Variants in RARB observed in about 807,000 individuals in gnomAD.
RARB encodes the protein HBV-activated protein.
RARB carries 17 observed loss-of-function variants against 51.9 expected under a neutral mutation model. The ratio of observed to expected loss-of-function variants is 0.33; its 90% confidence interval spans 0.22 to 0.49. The LOEUF (loss-of-function observed/expected upper bound fraction) is 0.49. RARB is among the 20% of genes least tolerant of loss of function. The pLI is 0.99. For missense variants in RARB, 369 were observed against 550.8 expected, an observed-to-expected ratio of 0.67 and a Z score of 3.30; for synonymous variants, 215 against 195.4, an observed-to-expected ratio of 1.10 and a Z score of -0.84.
intron 5 of RARB, among the ~76,000 whole-genome samples, chr3:25,291,641 G>A (rs1406653505): frequency 6.6e-6 from 1 of 152,014 alleles, no homozygotes; most frequent in African/African-American, 2.4e-5. Context: ...ATAAATCAAG[G>A]AAATGGCCCC....
rs185105854 is a variant in RARB, at chr3:25,458,207, A to G, written c.158-2986A>G. On this transcript the variant is annotated intron_variant, in intron 1 of 7. Transcript: ENST00000330688. ...ATTAGCTACAAAGTTGTTCATCACA[A>G]TGGAATGTTTTCTGTGAAAAATATT... is the stretch of plus-strand genomic sequence containing the variant. 8.5e-5 allele frequency: 13 copies of G among 152,350 alleles called. No homozygotes were observed. The East Asian group carries it at 2.1e-3, about 25-fold the overall frequency. 9.4% of individuals were successfully genotyped at this position (152,350 alleles called of 1,614,324 possible).
chr3:25,494,253 G>GCACACACACACACACACACACACACA (rs57081618), intron 2 of RARB, among the ~76,000 whole-genome samples: 3 of 131,852 alleles, frequency 2.3e-5, no homozygotes, highest in Non-Finnish European at 3.5e-5. Context: ...TGTATCTTAC[G>GCACACACACACACACACACACACACA]CACACACACA....
rs147167336 is a variant in RARB at position 25,104,288 on chromosome 3, G to A, written c.-327-27873G>A. Among the ~76,000 whole-genome samples, 714 of 152,182 alleles carry A rather than the reference G, an allele frequency of 4.7e-3. 4 individuals carry two copies. The highest frequency in any genetic ancestry group is 0.017 in the African/African-American group (690 of 41,508). On this transcript the variant is annotated intron_variant, in intron 3 of 11. Coordinates refer to the RARB transcript ENST00000383772. ...TACATTGTTGATGGGAATATAACTTGGTAAAACCACTTTGGAAATCTCTCA... is the reference window on the plus strand; with the variant it reads ...TACATTGTTGATGGGAATATAACTTAGTAAAACCACTTTGGAAATCTCTCA...
At chr3:25,337,454 A>G (rs1705096590) in intron 5 of RARB, among the ~76,000 whole-genome samples, 1 of 152,216 alleles carries the variant, frequency 6.6e-6, no homozygotes, top group Non-Finnish European at 1.5e-5. Context: ...CTTTACCAAT[A>G]GCTACATTTA....
chr3:25,102,178 T>A (rs140320069), intron 3 of RARB, among the ~76,000 whole-genome samples: 1 of 152,284 alleles, frequency 6.6e-6, no homozygotes, highest in African/African-American at 2.4e-5. Context: ...AATGCGTGAA[T>A]GTCCCCACAA....
chr3:25,124,908 A>G (rs1157140290), intron 3 of RARB, among the ~76,000 whole-genome samples: 9 of 152,298 alleles, frequency 5.9e-5, no homozygotes, highest in Non-Finnish European at 1.2e-4. Flanking sequence ...TCTTTTTCAA[A>G]ACATGTAATT....
chr3:25,340,553 C>T (rs139426471), intron 5 of RARB, among the ~76,000 whole-genome samples: 2,158 of 152,280 alleles, frequency 0.014, 33 homozygotes, highest in Non-Finnish European at 0.022. Flanking sequence ...TAATGTGTGG[C>T]TCTGACCAAA....
intron 2 of RARB, among the ~76,000 whole-genome samples, chr3:25,056,142 C>T (rs1361649418): frequency 6.6e-6 from 1 of 152,102 alleles, no homozygotes; most frequent in Non-Finnish European, 1.5e-5. Flanking sequence ...CTATTTCCTG[C>T]TGGTAACAGG....
chr3:24,857,771 C>CA (rs1702662228), intron 1 of RARB, among the ~76,000 whole-genome samples: 2 of 152,124 alleles, frequency 1.3e-5, no homozygotes, highest in South Asian at 4.1e-4. Flanking sequence ...CAAAACAAAA[C>CA]AAAAAATAGC....
At chr3:25,086,811 G>T (rs949920060) in intron 3 of RARB, among the ~76,000 whole-genome samples, 1 of 152,074 alleles carries the variant, frequency 6.6e-6, no homozygotes, top group African/African-American at 2.4e-5. Flanking sequence ...GAGTATCTGG[G>T]TTAAGATAAG....
intron 3 of RARB, among the ~76,000 whole-genome samples, chr3:25,098,379 A>G (rs992108557): frequency 6.6e-6 from 1 of 152,174 alleles, no homozygotes; most frequent in African/African-American, 2.4e-5. Context: ...TGAGATCTCT[A>G]TCGTGCTGTA....
In RARB at chr3:25,421,403, C is replaced by CTTTTTTTTTTTTTTTTTT. The variant is rs766378555; in HGVS notation, c.179-39779_179-39762dup. 1.1e-4 allele frequency among the ~76,000 whole-genome samples: 8 copies of CTTTTTTTTTTTTTTTTTT among 72,364 alleles called. 2 individuals are homozygous for CTTTTTTTTTTTTTTTTTT. Among genetic ancestry groups the CTTTTTTTTTTTTTTTTTT allele is most frequent in the African/African-American group, 5.2e-4 (8 of 15,500 alleles). 47.5% of individuals were successfully genotyped at this position (72,364 alleles called of 152,430 possible). ...TTGCACTAACATTTTTTCTTCTTTT[C>CTTTTTTTTTTTTTTTTTT]TTTTTTTTTTTTTTTTTTTTTTTTT... On this transcript the variant is annotated intron_variant, in intron 5 of 11. Coordinates refer to the RARB transcript ENST00000383772.
chr3:24,929,161 A>G (rs950250987), intron 2 of RARB, among the ~76,000 whole-genome samples: 6 of 152,120 alleles, frequency 3.9e-5, no homozygotes, highest in Non-Finnish European at 7.4e-5. Flanking sequence ...TAATTAGTAA[A>G]CAAATGTATA....
intron 2 of RARB, among the ~76,000 whole-genome samples, chr3:24,929,425 AG>A (rs1232433386): frequency 1.3e-5 from 2 of 152,136 alleles, no homozygotes; most frequent in African/African-American, 4.8e-5. Flanking sequence ...ATGCGTTTTA[AG>A]GGGAAAAATG....
At chr3:24,866,390 T>C (rs940672566) in intron 2 of RARB, among the ~76,000 whole-genome samples, 5 of 152,130 alleles carry the variant, frequency 3.3e-5, no homozygotes, top group African/African-American at 9.7e-5. Context: ...TCATAAACTA[T>C]TTAAACTGAC....
At chr3:24,894,945 T>C (rs1019436614) in intron 2 of RARB, among the ~76,000 whole-genome samples, 2 of 152,198 alleles carry the variant, frequency 1.3e-5, no homozygotes, top group African/African-American at 4.8e-5. Flanking sequence ...AAGTAATATT[T>C]GAATTGAGTT....
rs10713675 is a variant in RARB at position 25,293,597 on chromosome 3, T to TAAAAAAA, written c.178+119037_178+119043dup. Among the ~76,000 whole-genome samples the TAAAAAAA allele has an allele frequency of 2.8e-4, 19 of 68,644 alleles. 5 individuals are homozygous for TAAAAAAA. The highest frequency in any genetic ancestry group is 1.7e-3 in the East Asian group (2 of 1,206). 45.0% of individuals were successfully genotyped at this position (68,644 alleles called of 152,430 possible). ...TTCCCGAGGCTAGAGTTACTCCATTTAAAAAAAAAAAAAAAAAAAAAGTTC... is the reference window on the plus strand; with the variant it reads ...TTCCCGAGGCTAGAGTTACTCCATTTAAAAAAAAAAAAAAAAAAAAAAAAAAAAGTTC... On this transcript the variant is annotated intron_variant, in intron 5 of 11. Coordinates refer to the RARB transcript ENST00000383772.
chr3:24,916,981 G>A (rs1248869014), intron 2 of RARB, among the ~76,000 whole-genome samples: 3 of 152,154 alleles, frequency 2.0e-5, no homozygotes, highest in Non-Finnish European at 4.4e-5. Context: ...TATTCCATTT[G>A]TATGAAGTTT....
chr3:25,567,342 G>A (rs988960978), intron 3 of RARB, among the ~76,000 whole-genome samples: 9 of 152,074 alleles, frequency 5.9e-5, no homozygotes, highest in African/African-American at 1.9e-4. Flanking sequence ...ACAGCCACGA[G>A]TCTACTTTTT....
Sources: allele counts gnomAD v4.1 joint callset (sites outside exome capture counted in the v4.1 genomes callset), GRCh38; gene constraint gnomAD v4.1.1; transcripts MANE v1.5; gene names NCBI Gene and HGNC (gene_info 2026-07-23, HGNC 2026-07-21).